The following SEMA6A variants were observed in gnomAD, a reference collection of about 807,000 sequenced individuals.
SEMA6A encodes semaphorin 6A.
Under a neutral mutation model 96.8 loss-of-function variants are expected in SEMA6A, and 25 were observed. The observed-to-expected ratio is 0.26, with a 90% CI of 0.19 to 0.36. SEMA6A has a LOEUF of 0.36. Ranked by LOEUF, SEMA6A falls within the 10% of genes least tolerant of loss-of-function variation. The pLI, the probability that SEMA6A is intolerant of heterozygous loss-of-function variation, is 1.00. For synonymous variants in SEMA6A, 612 were observed against 518.0 expected (o/e 1.18, Z -2.46); for missense variants, 1,363 against 1,323.1 (o/e 1.03, Z -0.47).
chr5:116,507,786 T>C (rs1458879577), intron 1 of SEMA6A, among the ~76,000 whole-genome samples: 2 of 152,218 alleles, frequency 1.3e-5, no homozygotes, highest in African/African-American at 2.4e-5. Context: ...CTATTATATC[T>C]GAATTTTCCA....
intron 15 of SEMA6A, among the ~76,000 whole-genome samples, chr5:116,477,518 A>T (rs1226148885): frequency 6.6e-6 from 1 of 152,152 alleles, no homozygotes; most frequent in African/African-American, 2.4e-5. Context: ...TTGGTATCCT[A>T]TTGCTCCTTT....
At chr5:116,461,199 A>G (rs1327221254) in intron 18 of SEMA6A, among the ~76,000 whole-genome samples, 1 of 152,128 alleles carries the variant, frequency 6.6e-6, no homozygotes, top group East Asian at 1.9e-4. Flanking sequence ...CTCTAATTCA[A>G]AAGAGTTTTT....
chr5:116,496,362 T>A, intron 4 of SEMA6A, 49 bp from the exon 5 acceptor site: 1 of 1,555,160 alleles, frequency 6.4e-7, no homozygotes, highest in Non-Finnish European at 8.9e-7. Context: ...GTTGTTGCGT[T>A]TGATTTTAGA....
chr5:116,467,814 G>T, intron 17 of SEMA6A, 67 bp from the exon 18 acceptor site: 2 of 1,550,768 alleles, frequency 1.3e-6, no homozygotes, highest in Non-Finnish European at 8.8e-7. Context: ...TTGCGCAGAG[G>T]CCTGGAGGTG....
Position 116,478,331 on chromosome 5 carries a change from AACAC to A in SEMA6A, c.1428-181_1428-178del, listed in dbSNP as rs908379898. On this transcript the variant is annotated intron_variant, in intron 13 of 18. Transcript: ENST00000343348. Reference sequence around the variant, plus strand: ...ACACACATGTATATGTATCTATATAAACACACACACATATATGTATCTATATAAA... The same window carrying A: ...ACACACATGTATATGTATCTATATAAACACACATATATGTATCTATATAAA... 41 of 770,048 alleles carry A rather than the reference AACAC, an allele frequency of 5.3e-5. No homozygotes were observed. The East Asian group carries it at 6.7e-4, about 13-fold the overall frequency. The allele number at this position is 770,048 out of a possible 1,614,324, so 47.7% of individuals were successfully genotyped here. A position where few individuals can be genotyped will look rare whatever the true frequency, so the allele number is the denominator to read the frequency against.
intron 18 of SEMA6A, among the ~76,000 whole-genome samples, chr5:116,460,712 T>C (rs1475335033): frequency 6.6e-6 from 1 of 152,012 alleles, no homozygotes; most frequent in African/African-American, 2.4e-5. Flanking sequence ...TCCCAAACAG[T>C]GTGCTTTAAA....
At chr5:116,453,346 T>A (rs751297318) in intron 18 of SEMA6A, among the ~76,000 whole-genome samples, 1 of 152,222 alleles carries the variant, frequency 6.6e-6, no homozygotes, top group Non-Finnish European at 1.5e-5. Flanking sequence ...AAGTTCTTCC[T>A]TCTAAAGTGT....
intron 1 of SEMA6A, among the ~76,000 whole-genome samples, chr5:116,518,610 A>T (rs1378254317): frequency 2.0e-5 from 3 of 152,222 alleles, no homozygotes; most frequent in Non-Finnish European, 4.4e-5. Flanking sequence ...AGTGTGAGAC[A>T]CACACCCAGC....
intron 18 of SEMA6A, among the ~76,000 whole-genome samples, chr5:116,449,004 C>T (rs1369907636): frequency 1.3e-5 from 2 of 152,204 alleles, no homozygotes; most frequent in Admixed American, 6.5e-5. Context: ...CGTAATCTTA[C>T]ACTACATTAA....
intron 1 of SEMA6A, among the ~76,000 whole-genome samples, chr5:116,520,012 G>A (rs892198268): frequency 3.3e-5 from 5 of 152,132 alleles, no homozygotes; most frequent in Admixed American, 1.3e-4. Flanking sequence ...GCTTCTTAAT[G>A]TATTAACAAC....
chr5:116,549,843 C>T (rs1485844561), intron 1 of SEMA6A, among the ~76,000 whole-genome samples: 3 of 152,166 alleles, frequency 2.0e-5, no homozygotes, highest in East Asian at 1.9e-4. Flanking sequence ...AACACACAAA[C>T]GATACTTATG....
intron 11 of SEMA6A, 126 bp from the exon 12 acceptor site, chr5:116,480,403 G>C: frequency 2.6e-6 from 3 of 1,135,600 alleles, no homozygotes; most frequent in Non-Finnish European, 2.5e-6. Flanking sequence ...AGAGGAGGAA[G>C]TTGAACAATG....
At chr5:116,530,234 A>G (rs1759405635) in intron 1 of SEMA6A, among the ~76,000 whole-genome samples, 1 of 152,194 alleles carries the variant, frequency 6.6e-6, no homozygotes, top group Non-Finnish European at 1.5e-5. Flanking sequence ...TGCCAACATA[A>G]AAAGGCACTA....
chr5:116,447,852 C>T (rs1305442784), intron 18 of SEMA6A, 41 bp from the exon 19 acceptor site: 12 of 1,473,686 alleles, frequency 8.1e-6, no homozygotes, highest in Admixed American at 7.2e-5. Context: ...AATGAAAGCA[C>T]ACCCCGAGGC....
Position 116,446,622 on chromosome 5 carries a change from C to G in SEMA6A, c.3084G>C (p.Ala1028=). 3 of 1,501,044 alleles carry G rather than the reference C, an allele frequency of 2.0e-6. No individual in the cohort carries two copies. Among genetic ancestry groups the G allele is most frequent in the Non-Finnish European group, 2.7e-6 (3 of 1,124,246 alleles). The allele number at this position is 1,501,044 out of a possible 1,614,324, so 93.0% of individuals were successfully genotyped here. A position where few individuals can be genotyped will look rare whatever the true frequency, so the allele number is the denominator to read the frequency against. Residue 1028 remains alanine, a synonymous_variant, in exon 19 of 19, where the codon GCG becomes GCC. Transcript: ENST00000343348. ...CCCCCTCCCCCTGGGATTATGTACA[C>G]GCATCATTGGGCTTCATGGATGTGG... is the stretch of plus-strand genomic sequence containing the variant. ...PLSTSMKPND[A]CT
intron 17 of SEMA6A, among the ~76,000 whole-genome samples, chr5:116,469,888 C>T (rs1396636447): frequency 6.6e-6 from 1 of 152,076 alleles, no homozygotes; most frequent in African/African-American, 2.4e-5. Flanking sequence ...ATGTTTTACA[C>T]AAATATGAGA....
chr5:116,447,392 G>A lies in SEMA6A; in HGVS notation c.2314C>T (p.Arg772Cys). The A allele has an allele frequency of 1.2e-6, 2 of 1,614,032 alleles. No individual in the cohort carries two copies. Among genetic ancestry groups the A allele is most frequent in the Non-Finnish European group, 1.7e-6 (2 of 1,179,900 alleles). The change falls in exon 19 of 19, where the codon CGC becomes TGC. Residue 772 changes from arginine (R) to cysteine (C), a missense_variant. Arg to Cys is a radical substitution (Grantham distance 180). This residue lies in a region of SEMA6A where 883 missense variants were observed against 763.6 expected (regional missense o/e 1.16). Coordinates refer to ENST00000343348, the MANE Select transcript of SEMA6A (RefSeq NM_020796.5). Reference sequence around the variant, plus strand: ...TTCCTCTCCCACTCGCGGCTGCCGCGGCTGGGCTTCCGCTTCTGCTGCAGC... The same window carrying A: ...TTCCTCTCCCACTCGCGGCTGCCGCAGCTGGGCTTCCGCTTCTGCTGCAGC... The part of the protein sequence containing the change: ...PTLQQKRKPS[R>C]GSREWERNQN...
At chr5:116,544,193 G>C (rs1760090964) in intron 1 of SEMA6A, among the ~76,000 whole-genome samples, 1 of 152,114 alleles carries the variant, frequency 6.6e-6, no homozygotes, top group African/African-American at 2.4e-5. Flanking sequence ...AAGGCTGGTG[G>C]ATGCAGCACT....
chr5:116,527,632 T>G (rs1759286200), intron 1 of SEMA6A, among the ~76,000 whole-genome samples: 1 of 152,226 alleles, frequency 6.6e-6, no homozygotes. Context: ...TAACCTCAAA[T>G]GTATACAAAT....
Sources: allele counts gnomAD v4.1 joint callset (sites outside exome capture counted in the v4.1 genomes callset), GRCh38; gene constraint gnomAD v4.1.1; regional missense constraint gnomAD v4.1.1; transcripts MANE v1.5; gene names NCBI Gene and HGNC (gene_info 2026-07-23, HGNC 2026-07-21).